Variants in CEP85L observed in about 807,000 individuals in gnomAD.
CEP85L encodes the protein centrosomal protein 85L.
Under a neutral mutation model 100.3 loss-of-function variants are expected in CEP85L, and 60 were observed. That is an observed-to-expected ratio of 0.60 (90% CI 0.49 to 0.74). CEP85L has a LOEUF of 0.74. Among genes scored for constraint, CEP85L ranks in the 30% least tolerant of loss-of-function variants. The probability of loss-of-function intolerance (pLI) is 0.00; values close to 1 mark genes in which losing one functional copy is unlikely to be tolerated. For missense variants in CEP85L, 973 were observed against 936.2 expected (o/e 1.04, Z -0.51); for synonymous variants, 319 against 322.7 (o/e 0.99, Z 0.12).
At chr6:118,588,604 C>A (rs1227703509) in intron 2 of CEP85L, among the ~76,000 whole-genome samples, 1 of 152,180 alleles carries the variant, frequency 6.6e-6, no homozygotes, top group Non-Finnish European at 1.5e-5. Flanking sequence ...TGACTACAAT[C>A]CCTCTTTAAT....
intron 10 of CEP85L, among the ~76,000 whole-genome samples, chr6:118,475,354 T>A (rs927666496): frequency 6.9e-6 from 1 of 144,638 alleles, no homozygotes; most frequent in Non-Finnish European, 1.5e-5. Flanking sequence ...GACATTTTTT[T>A]TTTTTTTTTT....
intron 2 of CEP85L, among the ~76,000 whole-genome samples, chr6:118,626,523 G>A (rs1304940270): frequency 6.6e-6 from 1 of 152,152 alleles, no homozygotes; most frequent in Non-Finnish European, 1.5e-5. Context: ...CAAAATCTAA[G>A]GCATGTCACA....
intron 2 of CEP85L, among the ~76,000 whole-genome samples, chr6:118,599,378 T>C (rs1026930815): frequency 2.0e-5 from 3 of 152,170 alleles, no homozygotes; most frequent in Non-Finnish European, 4.4e-5. Context: ...CAACAAAATA[T>C]TATTACTAAG....
intron 4 of CEP85L, among the ~76,000 whole-genome samples, chr6:118,521,983 A>G (rs1776696124): frequency 6.6e-6 from 1 of 152,330 alleles, no homozygotes; most frequent in Admixed American, 6.5e-5. Flanking sequence ...GGTATTCAAA[A>G]AAAAATAACA....
intron 1 of CEP85L, among the ~76,000 whole-genome samples, chr6:118,692,398 G>A (rs931818952): frequency 1.3e-5 from 2 of 152,142 alleles, no homozygotes; most frequent in African/African-American, 2.4e-5. Context: ...AGCACTGAAA[G>A]CAGGGCATTA....
At chr6:118,674,034 T>C (rs983528125) in intron 1 of CEP85L, among the ~76,000 whole-genome samples, 1 of 152,330 alleles carries the variant, frequency 6.6e-6, no homozygotes, top group African/African-American at 2.4e-5. Context: ...TAGGCCTAAT[T>C]GTAAGAGCTA....
intron 1 of CEP85L, among the ~76,000 whole-genome samples, chr6:118,662,858 G>A (rs1487953912): frequency 1.3e-5 from 2 of 152,244 alleles, no homozygotes; most frequent in South Asian, 2.1e-4. Context: ...GGTGCATGAC[G>A]ATTTCAGTTA....
At chr6:118,605,748 C>T (rs937309700) in intron 2 of CEP85L, among the ~76,000 whole-genome samples, 1 of 152,120 alleles carries the variant, frequency 6.6e-6, no homozygotes, top group Non-Finnish European at 1.5e-5. Flanking sequence ...CACCATGGCT[C>T]GGGCCTGTAA....
chr6:118,699,101 A>G (rs2114350454), intron 1 of CEP85L, among the ~76,000 whole-genome samples: 1 of 152,242 alleles, frequency 6.6e-6, no homozygotes, highest in East Asian at 1.9e-4. Context: ...AAAGAGTCTT[A>G]AGACAGAGAA....
At chr6:118,538,179 A>AC (rs773869902) in intron 3 of CEP85L, among the ~76,000 whole-genome samples, 6 of 151,910 alleles carry the variant, frequency 3.9e-5, no homozygotes, top group Non-Finnish European at 7.4e-5. Context: ...TCTATCAGTC[A>AC]CCCCTTCCTA....
chr6:118,565,349 T>C, intron 3 of CEP85L, 180 bp downstream of exon 3: 1 of 627,596 alleles, frequency 1.6e-6, no homozygotes. Flanking sequence ...TTAATTAGTC[T>C]CAAATGCTTT....
At chr6:118,614,930 T>G (rs1772927698) in intron 2 of CEP85L, among the ~76,000 whole-genome samples, 1 of 152,188 alleles carries the variant, frequency 6.6e-6, no homozygotes, top group Admixed American at 6.5e-5. Flanking sequence ...GCAAATGTAT[T>G]TCTATATTAT....
intron 1 of CEP85L, among the ~76,000 whole-genome samples, chr6:118,680,305 GCT>G (rs1491245614): frequency 3.0e-4 from 26 of 85,568 alleles, no homozygotes; most frequent in Non-Finnish European, 5.0e-4. Flanking sequence ...CCTTGGTGTT[GCT>G]TTTTTTTTTT....
chr6:118,464,111 G>C lies in CEP85L; in HGVS notation c.*1294C>G, dbSNP rs1338409616. The C allele has an allele frequency of 6.6e-6, 1 of 152,090 alleles. No homozygotes were observed. The highest frequency in any genetic ancestry group is 1.5e-5 in the Non-Finnish European group (1 of 67,978). The allele number at this position is 152,090 out of a possible 1,614,324, so 9.4% of individuals were successfully genotyped here. A position where few individuals can be genotyped will look rare whatever the true frequency, so the allele number is the denominator to read the frequency against. On this transcript the variant is annotated 3_prime_UTR_variant, in exon 13 of 13. Transcript: ENST00000368491. ...TCACAAGATCAAACCAACTTACAAAGGACAAGGCTTTCGCCAAAACTAAGT... is the reference window on the plus strand; with the variant it reads ...TCACAAGATCAAACCAACTTACAAACGACAAGGCTTTCGCCAAAACTAAGT...
rs1016748950 is a variant in CEP85L at position 118,464,608 on chromosome 6, C to T, written c.*797G>A. The T allele has an allele frequency of 2.0e-5, 3 of 151,438 alleles. No homozygotes were observed. The highest frequency in any genetic ancestry group is 7.3e-5 in the African/African-American group (3 of 41,246). 9.4% of individuals were successfully genotyped at this position (151,438 alleles called of 1,614,324 possible). A position where few individuals can be genotyped will look rare whatever the true frequency, so the allele number is the denominator to read the frequency against. On this transcript the variant is annotated 3_prime_UTR_variant, in exon 13 of 13. Coordinates refer to ENST00000368491, the MANE Select transcript of CEP85L (RefSeq NM_001042475.3). ...CATTTATATATGTATATATATAAAA[C>T]ATATAAATAAAAAATTGTAAATAGT... is the stretch of plus-strand genomic sequence containing the variant.
At chr6:118,471,687 G>A (rs1772963711) in intron 10 of CEP85L, among the ~76,000 whole-genome samples, 1 of 151,010 alleles carries the variant, frequency 6.6e-6, no homozygotes, top group Non-Finnish European at 1.5e-5. Flanking sequence ...TAGTAACTCA[G>A]AAGTTGGACA....
At chr6:118,482,049 AAG>A in intron 7 of CEP85L, 116 bp from the exon 8 acceptor site, 24 of 529,560 alleles carry the variant, frequency 4.5e-5, no homozygotes, top group Non-Finnish European at 5.9e-5. Context: ...AAAAAAAAAA[AAG>A]AATCACACTG....
Position 118,592,717 on chromosome 6 carries a change from C to T in CEP85L, c.233-26401G>A, listed in dbSNP as rs575908283. Among the ~76,000 whole-genome samples, 4 of 152,076 alleles carry T rather than the reference C, an allele frequency of 2.6e-5. No individual in the cohort carries two copies. The South Asian group carries it at 6.2e-4, about 24-fold the overall frequency. On this transcript the variant is annotated intron_variant, in intron 2 of 12. Transcript: ENST00000368491. ...AATTAAATGAAAAATTTATGCAAAC[C>T]TCTTATCATGATCATGATGCCCTGT... is the stretch of plus-strand genomic sequence containing the variant.
chr6:118,534,675 T>G (rs977204430), intron 3 of CEP85L, among the ~76,000 whole-genome samples: 1 of 151,900 alleles, frequency 6.6e-6, no homozygotes, highest in Non-Finnish European at 1.5e-5. Flanking sequence ...AACTGATTTT[T>G]TAACAAAGGG....
Sources: allele counts gnomAD v4.1 joint callset (sites outside exome capture counted in the v4.1 genomes callset), GRCh38; gene constraint gnomAD v4.1.1; transcripts MANE v1.5; gene names NCBI Gene and HGNC (gene_info 2026-07-23, HGNC 2026-07-21).